Variants in CARMIL1 observed in about 807,000 individuals in gnomAD.
The protein encoded by CARMIL1 is F-actin-uncapping protein LRRC16A.
In CARMIL1, 90 loss-of-function variants were observed where a neutral mutation model predicts 177.1. The observed-to-expected ratio is 0.51, with a 90% CI of 0.43 to 0.61. CARMIL1 has a LOEUF of 0.61. Ranked by LOEUF, CARMIL1 falls within the 20% of genes least tolerant of loss-of-function variation. The pLI is 0.00. For synonymous variants in CARMIL1, 577 were observed against 606.2 expected, an observed-to-expected ratio of 0.95 and a Z score of 0.71; for missense variants, 1,380 against 1,667.0, an observed-to-expected ratio of 0.83 and a Z score of 3.00.
chr6:25,356,187 A>T (rs981212321), intron 2 of CARMIL1, among the ~76,000 whole-genome samples: 6 of 151,882 alleles, frequency 4.0e-5, no homozygotes, highest in Non-Finnish European at 2.9e-5. Flanking sequence ...CCTCCCGAGT[A>T]GCTGGGACTA....
intron 29 of CARMIL1, among the ~76,000 whole-genome samples, chr6:25,566,652 T>C (rs1358650119): frequency 2.0e-5 from 3 of 152,252 alleles, no homozygotes; most frequent in African/African-American, 7.2e-5. Flanking sequence ...GCCAGGACTT[T>C]GTGCTGTTGA....
At chr6:25,580,797 C>G (rs1813050823) in intron 29 of CARMIL1, 127 bp from the exon 30 acceptor site, 1 of 687,932 alleles carries the variant, frequency 1.5e-6, no homozygotes, top group East Asian at 2.7e-5. Flanking sequence ...GTTAGGTTTT[C>G]AATCATCTTC....
At chr6:25,383,016 G>A (rs215013) in intron 2 of CARMIL1, among the ~76,000 whole-genome samples, 132,968 of 152,148 alleles carry the variant, frequency 0.87, 58,438 homozygotes, top group African/African-American at 0.96. Context: ...GAGAGGTTCT[G>A]AAGTCCAAAT....
At chr6:25,556,938 A>C in intron 29 of CARMIL1, 88 bp downstream of exon 29, 1 of 1,342,540 alleles carries the variant, frequency 7.4e-7, no homozygotes. Flanking sequence ...CACCTTTTGA[A>C]ATCAGACCAA....
At chr6:25,451,492 A>C (rs942595075) in intron 8 of CARMIL1, among the ~76,000 whole-genome samples, 6 of 152,190 alleles carry the variant, frequency 3.9e-5, no homozygotes, top group Admixed American at 3.3e-4. Context: ...TAGTGATAAT[A>C]AAGTCATGAA....
chr6:25,421,447 AC>A (rs1795844234), intron 3 of CARMIL1, among the ~76,000 whole-genome samples: 1 of 152,204 alleles, frequency 6.6e-6, no homozygotes, highest in South Asian at 2.1e-4. Flanking sequence ...TAGTTCAACC[AC>A]TGTGGAAGTC....
chr6:25,401,987 G>A (rs1050060132), intron 2 of CARMIL1, among the ~76,000 whole-genome samples: 7 of 150,752 alleles, frequency 4.6e-5, no homozygotes, highest in African/African-American at 1.5e-4. Context: ...GGATTTGCGT[G>A]TAGTTTTTTT....
At position 25,619,642 on chromosome 6, in the gene CARMIL1, C is replaced by A; in HGVS notation, c.*59C>A. Reference sequence around the variant, plus strand: ...TGCTTTGGTAGCCATCAGAGAGGAACCAAGGGCAACATCTTTTCTTCCCAG... The same window carrying A: ...TGCTTTGGTAGCCATCAGAGAGGAAACAAGGGCAACATCTTTTCTTCCCAG... On this transcript the variant is annotated 3_prime_UTR_variant, in exon 37 of 37. Transcript: ENST00000329474. The A allele has an allele frequency of 4.6e-6, 7 of 1,513,440 alleles. No homozygotes were observed. Among genetic ancestry groups the A allele is most frequent in the Non-Finnish European group, 6.2e-6 (7 of 1,129,750 alleles). 93.8% of individuals were successfully genotyped at this position (1,513,440 alleles called of 1,614,324 possible). A position where few individuals can be genotyped will look rare whatever the true frequency, so the allele number is the denominator to read the frequency against.
intron 2 of CARMIL1, among the ~76,000 whole-genome samples, chr6:25,328,942 G>T (rs1274931900): frequency 1.3e-5 from 2 of 152,050 alleles, no homozygotes; most frequent in African/African-American, 4.8e-5. Context: ...TCAAATCTTG[G>T]GTTCTACAAT....
chr6:25,584,920 C>T (rs940689750), intron 31 of CARMIL1, among the ~76,000 whole-genome samples: 2 of 152,178 alleles, frequency 1.3e-5, no homozygotes, highest in African/African-American at 4.8e-5. Flanking sequence ...AGAGAGATTT[C>T]ACCTTTGTCC....
chr6:25,400,603 T>A (rs779644832), intron 2 of CARMIL1, among the ~76,000 whole-genome samples: 1 of 152,226 alleles, frequency 6.6e-6, no homozygotes, highest in Non-Finnish European at 1.5e-5. Context: ...TTTTTTGAAT[T>A]CATATCCCAA....
At chr6:25,570,636 T>C (rs1252434284) in intron 29 of CARMIL1, among the ~76,000 whole-genome samples, 2 of 152,232 alleles carry the variant, frequency 1.3e-5, no homozygotes, top group Non-Finnish European at 2.9e-5. Flanking sequence ...TCAAAATAGT[T>C]CTCTACCATG....
rs1796294565 is a variant in CARMIL1, at chr6:25,426,550, A to G, written c.239A>G (p.Lys80Arg). ...YLEIHGVVCS[K>R]SAQMIVETEK... ...GAGATTCATGGCGTCGTTTGCAGCA[A>G]GTCAGCTCAGGTGAGTGTGAAAAAT... Residue 80 changes from lysine (K) to arginine (R), a missense_variant, in exon 4 of 37, where the codon AAG becomes AGG. Coordinates refer to ENST00000329474, the MANE Select transcript of CARMIL1 (RefSeq NM_017640.6). 6.2e-7 allele frequency: 1 copy of G among 1,612,328 alleles called. No individual in the cohort carries two copies. Among genetic ancestry groups the G allele is most frequent in the African/African-American group, 1.3e-5 (1 of 74,818 alleles).
At chr6:25,495,936 A>G (rs1226290844) in intron 16 of CARMIL1, among the ~76,000 whole-genome samples, 1 of 152,152 alleles carries the variant, frequency 6.6e-6, no homozygotes, top group East Asian at 1.9e-4. Flanking sequence ...TACGATTATG[A>G]AAGTTGTCAG....
At chr6:25,346,584 C>G (rs1200011197) in intron 2 of CARMIL1, among the ~76,000 whole-genome samples, 1 of 152,160 alleles carries the variant, frequency 6.6e-6, no homozygotes, top group Non-Finnish European at 1.5e-5. Flanking sequence ...TTATCTTATT[C>G]CTTGTCTCTT....
chr6:25,459,840 G>A (rs1227291089), intron 8 of CARMIL1, among the ~76,000 whole-genome samples: 1 of 152,210 alleles, frequency 6.6e-6, no homozygotes, highest in Non-Finnish European at 1.5e-5. Flanking sequence ...TTGCCATGTT[G>A]CCAGGACTCA....
At chr6:25,461,074 C>T (rs575032162) in intron 8 of CARMIL1, among the ~76,000 whole-genome samples, 1 of 152,252 alleles carries the variant, frequency 6.6e-6, no homozygotes, top group South Asian at 2.1e-4. Flanking sequence ...CATTGCATTA[C>T]ATCTCTAAAT....
chr6:25,332,777 A>ACACG (rs1785804419), intron 2 of CARMIL1, among the ~76,000 whole-genome samples: 1 of 132,210 alleles, frequency 7.6e-6, no homozygotes, highest in East Asian at 2.2e-4. Flanking sequence ...ACACACGCGC[A>ACACG]CACACACACA....
At chr6:25,575,709 T>C (rs1812527141) in intron 29 of CARMIL1, among the ~76,000 whole-genome samples, 1 of 152,166 alleles carries the variant, frequency 6.6e-6, no homozygotes, top group Non-Finnish European at 1.5e-5. Context: ...TTGAAGTAAA[T>C]TGCCTGATCA....
Sources: gnomAD v4.1 joint callset for allele counts (sites outside exome capture counted in the v4.1 genomes callset) on GRCh38, gnomAD v4.1.1 for gene constraint, MANE v1.5 for transcripts, NCBI Gene and HGNC (gene_info 2026-07-23, HGNC 2026-07-21) for gene names.